Variants in FOXRED2 observed in about 807,000 individuals in gnomAD.
FOXRED2 encodes FAD dependent oxidoreductase domain containing 2, also known as FAD-dependent oxidoreductase domain-containing protein 2.
Under a neutral mutation model 52.5 loss-of-function variants are expected in FOXRED2, and 32 were observed. The ratio of observed to expected loss-of-function variants is 0.61; its 90% CI spans 0.46 to 0.82. FOXRED2 has a LOEUF of 0.82. Among genes scored for constraint, FOXRED2 ranks in the 40% least tolerant of loss-of-function variants. FOXRED2 has a pLI of 0.00. For synonymous variants in FOXRED2, 405 were observed against 398.1 expected (o/e 1.02, Z -0.21); for missense variants, 848 against 937.5 (o/e 0.90, Z 1.25).
chr22:36,497,755 C>T (rs2145848369), intron 6 of FOXRED2, among the ~76,000 whole-genome samples: 2 of 152,310 alleles, frequency 1.3e-5, no homozygotes, highest in Middle Eastern at 6.8e-3. Flanking sequence ...CAATTATCCC[C>T]ATTTTGCAGA....
At chr22:36,492,770 G>C (rs1254151513) in intron 8 of FOXRED2, among the ~76,000 whole-genome samples, 1 of 152,084 alleles carries the variant, frequency 6.6e-6, no homozygotes, top group African/African-American at 2.4e-5. Context: ...CACCCACCTC[G>C]GCCTCCCAAA....
At chr22:36,490,574 C>T (rs1386446870) in intron 8 of FOXRED2, among the ~76,000 whole-genome samples, 1 of 152,260 alleles carries the variant, frequency 6.6e-6, no homozygotes, top group Non-Finnish European at 1.5e-5. Context: ...GAGCACCGGG[C>T]TCTGCAGGCA....
At chr22:36,502,647 TTC>T (rs1473995788) in intron 4 of FOXRED2, among the ~76,000 whole-genome samples, 2 of 151,356 alleles carry the variant, frequency 1.3e-5, no homozygotes, top group African/African-American at 4.9e-5. Context: ...TCCCAGCACT[TTC>T]TTTCCTTTCT....
chr22:36,496,281 A>ATG, intron 6 of FOXRED2, 73 bp from the exon 7 acceptor site: 1 of 1,577,990 alleles, frequency 6.3e-7, no homozygotes, highest in Non-Finnish European at 8.6e-7. Flanking sequence ...GGGGGTGAGC[A>ATG]TGTGTGTGTG....
At chr22:36,493,195 C>T (rs1933800964) in intron 8 of FOXRED2, among the ~76,000 whole-genome samples, 1 of 152,216 alleles carries the variant, frequency 6.6e-6, no homozygotes, top group Non-Finnish European at 1.5e-5. Context: ...GTAATCCCAA[C>T]ACTTCAGCAG....
At chr22:36,501,499 C>G in intron 4 of FOXRED2, 92 bp from the exon 5 acceptor site, 1 of 1,313,600 alleles carries the variant, frequency 7.6e-7, no homozygotes, top group Non-Finnish European at 1.1e-6. Context: ...TCGCTCTTGT[C>G]GCCCAGGTTA....
In FOXRED2 at chr22:36,494,372, C is replaced by T. The variant is rs1034506868; in HGVS notation, c.1625-569G>A. 2.6e-5 allele frequency among the ~76,000 whole-genome samples: 4 copies of T among 152,268 alleles called. No homozygotes were observed. The East Asian group carries it at 5.8e-4, about 22-fold the overall frequency. ...AACTCCTGACCTCAGGTGACCCACCCGCCTCAGCCTCCCAAAGTGCTGGGA... is the reference window on the plus strand; with the variant it reads ...AACTCCTGACCTCAGGTGACCCACCTGCCTCAGCCTCCCAAAGTGCTGGGA... On this transcript the variant is annotated intron_variant, in intron 7 of 8. Coordinates refer to ENST00000397224, the MANE Select transcript of FOXRED2 (RefSeq NM_001102371.2).
At chr22:36,492,117 T>A (rs541884679) in intron 8 of FOXRED2, among the ~76,000 whole-genome samples, 3 of 152,158 alleles carry the variant, frequency 2.0e-5, no homozygotes, top group Non-Finnish European at 1.5e-5. Context: ...TGGAGGCCCC[T>A]GGGAGGCCAG....
At chr22:36,496,657 G>T (rs2145846693) in intron 6 of FOXRED2, among the ~76,000 whole-genome samples, 1 of 152,350 alleles carries the variant, frequency 6.6e-6, no homozygotes, top group Admixed American at 6.5e-5. Context: ...TGCTTGGGAG[G>T]ACTGAGCAGA....
Position 36,493,695 on chromosome 22 carries a change from A to C in FOXRED2, c.1733T>G (p.Ile578Ser), listed in dbSNP as rs1394368019. The C allele has an allele frequency of 6.2e-7, 1 of 1,614,198 alleles. No homozygotes were observed. Among genetic ancestry groups the C allele is most frequent in the Non-Finnish European group, 8.5e-7 (1 of 1,180,024 alleles). ...CTCCAGGAAGCGCCTCAGAGGTAGG[A>C]TGTGCCCGATCGGGGCAGTCCAGTC... ...LTDWTAPIGH[I>S]LPLRRFLENC... is the part of the protein sequence containing the mutation. The change falls in exon 8 of 9, where the codon ATC (isoleucine) becomes AGC (serine). Residue 578 changes from isoleucine (I) to serine (S), a missense_variant. Ile to Ser is a moderately radical substitution (Grantham distance 142). Transcript: ENST00000397224.
At position 36,489,818 on chromosome 22, in the gene FOXRED2, G is replaced by A; in HGVS notation, c.*190C>T. On this transcript the variant is annotated 3_prime_UTR_variant, in exon 9 of 9. Transcript: ENST00000397224. ...CCTTCTGCCCCCTGACAGGAGGGAG[G>A]AGACCACCGCATCCCCGACTTTCAG... is the stretch of plus-strand genomic sequence containing the variant. 1 of 532,956 alleles carries A rather than the reference G, an allele frequency of 1.9e-6. No individual in the cohort carries two copies. The highest frequency in any genetic ancestry group is 3.2e-6 in the Non-Finnish European group (1 of 314,284). The allele number at this position is 532,956 out of a possible 1,614,324, so 33.0% of individuals were successfully genotyped here. A position where few individuals can be genotyped will look rare whatever the true frequency, so the allele number is the denominator to read the frequency against.
intron 8 of FOXRED2, among the ~76,000 whole-genome samples, chr22:36,490,757 G>C (rs1265354435): frequency 1.3e-5 from 2 of 152,204 alleles, no homozygotes; most frequent in Non-Finnish European, 2.9e-5. Context: ...ACAGTGTGGG[G>C]GATAAAGAAA....
rs1278319836 is a variant in FOXRED2, at chr22:36,488,157, GA to G, written c.*1850del. On this transcript the variant is annotated 3_prime_UTR_variant, in exon 9 of 9. Transcript: ENST00000397224. ...CAAGAGGGGAAGAGGACGTCCCCAT[GA>G]AAGAGCTTTGGATCCAGAAAGCCCG... The G allele has an allele frequency of 6.6e-6, 1 of 151,544 alleles. No individual in the cohort carries two copies. Among genetic ancestry groups the G allele is most frequent in the Non-Finnish European group, 1.5e-5 (1 of 67,954 alleles). 9.4% of individuals were successfully genotyped at this position (151,544 alleles called of 1,614,324 possible).
rs1001272672 is a variant in FOXRED2 at position 36,498,163 on chromosome 22, C to T, written c.1217-7G>A. 6 of 1,608,568 alleles carry T rather than the reference C, an allele frequency of 3.7e-6. No individual in the cohort carries two copies. Among genetic ancestry groups the T allele is most frequent in the African/African-American group, 1.3e-5 (1 of 74,830 alleles). ...AGCCGGTGAACAGCACGCACTGGAACAGCCAGAGGGAGGAACGGCACGCTG... is the reference window on the plus strand; with the variant it reads ...AGCCGGTGAACAGCACGCACTGGAATAGCCAGAGGGAGGAACGGCACGCTG... On this transcript the variant is annotated splice_polypyrimidine_tract_variant and splice_region_variant and intron_variant, in intron 5 of 8. Transcript: ENST00000397224.
At position 36,506,289 on chromosome 22, in the gene FOXRED2, A is replaced by C; in HGVS notation, c.134T>G (p.Met45Arg). 1 of 1,594,684 alleles carries C rather than the reference A, an allele frequency of 6.3e-7. No homozygotes were observed. Among genetic ancestry groups the C allele is most frequent in the Non-Finnish European group, 8.5e-7 (1 of 1,170,792 alleles). ...VLGAGPAGLQ[M>R]AYFLQRAGRD... ...TCCAGCGCGCTGCAGGAAGTAGGCC[A>C]TCTGCAGGCCCGCGGGCCCAGCGCC... The change falls in exon 2 of 9, where the codon ATG becomes AGG. Residue 45 changes from methionine to arginine, a missense_variant. Coordinates refer to ENST00000397224, the MANE Select transcript of FOXRED2 (RefSeq NM_001102371.2).
At chr22:36,501,904 G>A (rs903885925) in intron 4 of FOXRED2, among the ~76,000 whole-genome samples, 2 of 152,104 alleles carry the variant, frequency 1.3e-5, no homozygotes, top group East Asian at 3.9e-4. Flanking sequence ...GGTGGCTCAC[G>A]CCTGTAATCC....
intron 2 of FOXRED2, among the ~76,000 whole-genome samples, chr22:36,505,226 T>C (rs1003250816): frequency 2.0e-5 from 3 of 152,244 alleles, no homozygotes; most frequent in Non-Finnish European, 4.4e-5. Context: ...CTGTGCACCA[T>C]CTTTCTGACT....
chr22:36,497,596 A>G (rs1376177196), intron 6 of FOXRED2, among the ~76,000 whole-genome samples: 1 of 152,088 alleles, frequency 6.6e-6, no homozygotes, highest in African/African-American at 2.4e-5. Flanking sequence ...TTATCACTAA[A>G]TTGACTCTGA....
intron 7 of FOXRED2, 97 bp from the exon 8 acceptor site, chr22:36,493,900 C>A: frequency 9.5e-7 from 1 of 1,056,592 alleles, no homozygotes; most frequent in South Asian, 1.6e-5. Flanking sequence ...CCAAACACTT[C>A]CCTCGTTCAC....
Sources: gnomAD v4.1 joint callset for allele counts (sites outside exome capture counted in the v4.1 genomes callset) on GRCh38, gnomAD v4.1.1 for gene constraint, MANE v1.5 for transcripts, NCBI Gene and HGNC (gene_info 2026-07-23, HGNC 2026-07-21) for gene names.